The following GRID1 variants were observed in gnomAD, a reference collection of about 807,000 sequenced individuals.
The protein encoded by GRID1 is glutamate ionotropic receptor delta type subunit 1.
GRID1 carries 28 observed loss-of-function variants against 98.0 expected under a neutral mutation model. The ratio of observed to expected loss-of-function variants is 0.29; its 90% CI spans 0.21 to 0.39. The LOEUF (loss-of-function observed/expected upper bound fraction) is 0.39, where lower values mean the gene tolerates loss of function less well. Among genes scored for constraint, GRID1 ranks in the 10% least tolerant of loss-of-function variants. GRID1 has a pLI of 1.00. For missense variants in GRID1, 1,111 were observed against 1,340.5 expected (o/e 0.83, Z 2.67); for synonymous variants, 553 against 538.5 (o/e 1.03, Z -0.37).
chr10:85,901,152 C>G (rs963832459), intron 5 of GRID1, among the ~76,000 whole-genome samples: 1 of 152,126 alleles, frequency 6.6e-6, no homozygotes, highest in Non-Finnish European at 1.5e-5. Flanking sequence ...CAAAGGCAAA[C>G]TTTCCCACAG....
chr10:86,271,541 G>A (rs1847185143), intron 2 of GRID1, among the ~76,000 whole-genome samples: 1 of 152,230 alleles, frequency 6.6e-6, no homozygotes, highest in Non-Finnish European at 1.5e-5. Context: ...CATGCCGTAT[G>A]TTCAAACGTT....
chr10:85,874,448 C>T (rs1653157924), intron 5 of GRID1, among the ~76,000 whole-genome samples: 2 of 152,182 alleles, frequency 1.3e-5, no homozygotes, highest in South Asian at 4.1e-4. Context: ...TTTCACTTCC[C>T]TAATTCTTAA....
chr10:85,827,217 G>C (rs1329513401), intron 8 of GRID1, among the ~76,000 whole-genome samples: 1 of 152,122 alleles, frequency 6.6e-6, no homozygotes, highest in African/African-American at 2.4e-5. Context: ...CCAATTCAAG[G>C]AGTCTAAGGA....
At chr10:85,683,652 C>T (rs1355193976) in intron 12 of GRID1, among the ~76,000 whole-genome samples, 2 of 152,182 alleles carry the variant, frequency 1.3e-5, no homozygotes, top group Non-Finnish European at 2.9e-5. Flanking sequence ...CATTGAAGAA[C>T]TCTGGTAAAA....
chr10:86,051,092 G>A (rs1439103250), intron 4 of GRID1, among the ~76,000 whole-genome samples: 1 of 150,756 alleles, frequency 6.6e-6, no homozygotes, highest in Non-Finnish European at 1.5e-5. Flanking sequence ...AAAAAAATGT[G>A]TATATATATA....
chr10:85,817,239 G>A (rs1002229069), intron 8 of GRID1, among the ~76,000 whole-genome samples: 20 of 152,052 alleles, frequency 1.3e-4, no homozygotes, highest in Admixed American at 2.0e-4. Flanking sequence ...TTGCCGGGTC[G>A]AATGGTAATT....
intron 8 of GRID1, among the ~76,000 whole-genome samples, chr10:85,737,668 ATAT>A (rs1841898132): frequency 3.0e-5 from 4 of 132,648 alleles, no homozygotes; most frequent in Non-Finnish European, 6.4e-5. Flanking sequence ...ATATATATAT[ATAT>A]ATAAACATAT....
intron 8 of GRID1, among the ~76,000 whole-genome samples, chr10:85,759,191 T>C (rs1316890276): frequency 6.6e-6 from 1 of 152,216 alleles, no homozygotes; most frequent in Admixed American, 6.5e-5. Context: ...TACAGAGGTG[T>C]TGTCTTCCAC....
chr10:86,037,728 G>A (rs559444367), intron 4 of GRID1, among the ~76,000 whole-genome samples: 5 of 152,090 alleles, frequency 3.3e-5, no homozygotes, highest in Admixed American at 1.3e-4. Flanking sequence ...AAAAAAAAAT[G>A]AGTGGGGTGG....
chr10:85,701,220 C>G (rs1458039944), intron 12 of GRID1, among the ~76,000 whole-genome samples: 2 of 152,090 alleles, frequency 1.3e-5, no homozygotes, highest in Non-Finnish European at 2.9e-5. Context: ...TGGATTTCTT[C>G]TTATATTTAC....
At chr10:86,216,521 C>T (rs573254620) in intron 2 of GRID1, among the ~76,000 whole-genome samples, 22 of 152,318 alleles carry the variant, frequency 1.4e-4, no homozygotes, top group Admixed American at 1.3e-3. Context: ...AATATGGGGC[C>T]TCCTAGACTT....
At chr10:85,628,947 G>T (rs116447124) in intron 13 of GRID1, among the ~76,000 whole-genome samples, 1 of 152,118 alleles carries the variant, frequency 6.6e-6, no homozygotes, top group Non-Finnish European at 1.5e-5. Context: ...CAGACATGAG[G>T]GCAGCCCTTA....
intron 2 of GRID1, among the ~76,000 whole-genome samples, chr10:86,288,841 G>A (rs1396144914): frequency 1.3e-5 from 2 of 152,216 alleles, no homozygotes; most frequent in African/African-American, 4.8e-5. Context: ...ACAGCAGGCA[G>A]CGCAGGCACC....
At chr10:85,706,838 C>T (rs1461983549) in intron 12 of GRID1, among the ~76,000 whole-genome samples, 1 of 152,096 alleles carries the variant, frequency 6.6e-6, no homozygotes, top group Non-Finnish European at 1.5e-5. Flanking sequence ...CTTTGACAAA[C>T]CTGACAAAAA....
intron 8 of GRID1, among the ~76,000 whole-genome samples, chr10:85,770,028 T>A (rs756435026): frequency 6.6e-5 from 10 of 152,188 alleles, no homozygotes; most frequent in Non-Finnish European, 1.2e-4. Flanking sequence ...CCTCCTCAAG[T>A]GGGACCCTAA....
At chr10:85,898,865 T>C (rs1421643727) in intron 5 of GRID1, among the ~76,000 whole-genome samples, 4 of 152,206 alleles carry the variant, frequency 2.6e-5, no homozygotes, top group Admixed American at 1.3e-4. Flanking sequence ...AATACCATAG[T>C]AAATATATAA....
chr10:85,887,675 C>T lies in GRID1; in HGVS notation c.781-18495G>A, dbSNP rs749042121. ...ATCAGATGGATTTGACTTCCAACCC[C>T]GCCTTCTTCTCTTCCTGATGGTGTA... On this transcript the variant is annotated intron_variant, in intron 5 of 15. Coordinates refer to ENST00000327946, the MANE Select transcript of GRID1 (RefSeq NM_017551.3). Among the ~76,000 whole-genome samples the T allele has an allele frequency of 5.3e-5, 8 of 152,144 alleles. No individual in the cohort carries two copies. The South Asian group carries it at 8.3e-4, about 16-fold the overall frequency.
At chr10:85,927,244 G>T (rs1190423414) in intron 4 of GRID1, among the ~76,000 whole-genome samples, 1 of 152,366 alleles carries the variant, frequency 6.6e-6, no homozygotes, top group South Asian at 2.1e-4. Flanking sequence ...TGTTGAGGCA[G>T]ATGTGGCATC....
chr10:86,311,406 T>C (rs1847830497), intron 2 of GRID1, among the ~76,000 whole-genome samples: 1 of 152,192 alleles, frequency 6.6e-6, no homozygotes, highest in South Asian at 2.1e-4. Context: ...GTCACCCATA[T>C]ACTTGCTCCC....
Sources: gnomAD v4.1 joint callset for allele counts (sites outside exome capture counted in the v4.1 genomes callset) on GRCh38, gnomAD v4.1.1 for gene constraint, MANE v1.5 for transcripts, NCBI Gene and HGNC (gene_info 2026-07-23, HGNC 2026-07-21) for gene names.